Variants in TNFAIP8 observed in about 807,000 individuals in gnomAD.
TNFAIP8 encodes the protein TNF alpha induced protein 8, also known as tumor necrosis factor alpha-induced protein 8.
TNFAIP8 carries 7 observed loss-of-function variants against 13.3 expected under a neutral mutation model. The observed-to-expected ratio is 0.52, with a 90% confidence interval of 0.30 to 0.99. TNFAIP8 has a LOEUF of 0.99. TNFAIP8 is among the 50% of genes least tolerant of loss of function. The pLI, the probability that TNFAIP8 is intolerant of heterozygous loss-of-function variation, is 0.07. For missense variants in TNFAIP8, 258 were observed against 236.9 expected, an observed-to-expected ratio of 1.09 and a Z score of -0.58; for synonymous variants, 94 against 87.6, an observed-to-expected ratio of 1.07 and a Z score of -0.41.
intron 1 of TNFAIP8, 46 bp downstream of exon 1, chr5:119,356,167 A>C (rs1581638398): frequency 6.6e-7 from 1 of 1,512,840 alleles, no homozygotes; most frequent in Admixed American, 1.9e-5. Context: ...TCTGCGGAGG[A>C]ATTTGGAGGA....
At chr5:119,348,264 C>T (rs923993572) in intron 1 of TNFAIP8, among the ~76,000 whole-genome samples, 1 of 152,162 alleles carries the variant, frequency 6.6e-6, no homozygotes, top group Non-Finnish European at 1.5e-5. Context: ...AATTCAGCTA[C>T]ATCAGCCAGG....
In TNFAIP8 at chr5:119,310,023, T is replaced by C. The variant is rs184716504; in HGVS notation, c.1+41116T>C. On this transcript the variant is annotated intron_variant, in intron 1 of 1. Coordinates refer to the TNFAIP8 transcript ENST00000274456. ...ATAAAACATCTGGCACATTGTCACT[T>C]AGTAGGATCTCAAAAAGTGGCTGTT... Among the ~76,000 whole-genome samples, 3 of 152,314 alleles carry C rather than the reference T, an allele frequency of 2.0e-5. No individual in the cohort carries two copies. The East Asian group carries it at 5.8e-4, about 29-fold the overall frequency.
chr5:119,372,448 C>G (rs529141763), intron 1 of TNFAIP8, among the ~76,000 whole-genome samples: 41 of 151,982 alleles, frequency 2.7e-4, no homozygotes, highest in African/African-American at 9.9e-4. Context: ...AAAATAACAG[C>G]TAGATATGAT....
intron 1 of TNFAIP8, among the ~76,000 whole-genome samples, chr5:119,292,906 T>C (rs1163118132): frequency 6.6e-6 from 1 of 151,658 alleles, no homozygotes; most frequent in African/African-American, 2.4e-5. Context: ...GAATGGGAAT[T>C]AACTAAAAAT....
intron 1 of TNFAIP8, among the ~76,000 whole-genome samples, chr5:119,370,136 A>T (rs1752017880): frequency 6.6e-6 from 1 of 152,058 alleles, no homozygotes; most frequent in Non-Finnish European, 1.5e-5. Flanking sequence ...TTATTTTGCC[A>T]CAGAAGCAGC....
At chr5:119,359,495 G>A (rs1387179108) in intron 1 of TNFAIP8, among the ~76,000 whole-genome samples, 1 of 152,042 alleles carries the variant, frequency 6.6e-6, no homozygotes, top group East Asian at 1.9e-4. Flanking sequence ...CAGAGTAAAA[G>A]GTGCTCATTA....
rs1487863204 is a variant in TNFAIP8 at position 119,297,254 on chromosome 5, T to C, written c.1+28347T>C. Among the ~76,000 whole-genome samples, 5 of 152,314 alleles carry C rather than the reference T, an allele frequency of 3.3e-5. No individual in the cohort carries two copies. In the East Asian group the frequency reaches 9.6e-4, roughly 29 times the overall value. On this transcript the variant is annotated intron_variant, in intron 1 of 1. Transcript: ENST00000274456. ...TCTTGTGGGCATTTAGTGCTATAAA[T>C]TTCCCTCTACACACTGCTTTGAAAG...
chr5:119,304,990 C>T (rs1160397231), intron 1 of TNFAIP8, among the ~76,000 whole-genome samples: 1 of 152,046 alleles, frequency 6.6e-6, no homozygotes, highest in East Asian at 1.9e-4. Context: ...TTCTGCTTGA[C>T]ATAAAGAGAA....
intron 1 of TNFAIP8, among the ~76,000 whole-genome samples, chr5:119,367,451 T>G (rs893154005): frequency 6.6e-6 from 1 of 152,236 alleles, no homozygotes; most frequent in Non-Finnish European, 1.5e-5. Flanking sequence ...GTATAGAACC[T>G]ACCAGCAAAA....
At chr5:119,367,582 C>A (rs1490318289) in intron 1 of TNFAIP8, among the ~76,000 whole-genome samples, 1 of 152,068 alleles carries the variant, frequency 6.6e-6, no homozygotes, top group East Asian at 1.9e-4. Flanking sequence ...CTTCAGTTAG[C>A]CAGATTTTTA....
At chr5:119,269,170 C>G (rs1748186066) in intron 1 of TNFAIP8, among the ~76,000 whole-genome samples, 1 of 152,186 alleles carries the variant, frequency 6.6e-6, no homozygotes, top group South Asian at 2.1e-4. Flanking sequence ...TTTTAGGAAC[C>G]CTTACCTATT....
At chr5:119,296,606 G>A (rs1040699673) in intron 1 of TNFAIP8, among the ~76,000 whole-genome samples, 15 of 152,126 alleles carry the variant, frequency 9.9e-5, no homozygotes, top group Admixed American at 2.0e-4. Context: ...TTGTGCCTGT[G>A]CCCGGCTTTG....
intron 1 of TNFAIP8, among the ~76,000 whole-genome samples, chr5:119,296,734 C>T (rs1332062007): frequency 3.3e-5 from 5 of 150,708 alleles, no homozygotes; most frequent in East Asian, 1.9e-4. Context: ...TGGTAGAATT[C>T]GGCTGTGAAT....
intron 1 of TNFAIP8, among the ~76,000 whole-genome samples, chr5:119,288,877 A>T (rs1254284235): frequency 6.6e-6 from 1 of 152,208 alleles, no homozygotes; most frequent in Admixed American, 6.5e-5. Flanking sequence ...ACAGAATTAT[A>T]ACAAGCACTT....
At chr5:119,364,841 GTTTT>G (rs10714712) in intron 1 of TNFAIP8, among the ~76,000 whole-genome samples, 6 of 88,696 alleles carry the variant, frequency 6.8e-5, no homozygotes, top group Non-Finnish European at 1.1e-4. Context: ...TTTCTTTTCA[GTTTT>G]TTTTTTTTTT....
At chr5:119,349,624 A>G (rs910969191) in intron 1 of TNFAIP8, among the ~76,000 whole-genome samples, 1 of 152,350 alleles carries the variant, frequency 6.6e-6, no homozygotes, top group Middle Eastern at 3.4e-3. Context: ...AGGCTTACTG[A>G]ACTTTTAATT....
chr5:119,306,023 G>A (rs1749542560), intron 1 of TNFAIP8, among the ~76,000 whole-genome samples: 1 of 152,074 alleles, frequency 6.6e-6, no homozygotes, highest in South Asian at 2.1e-4. Context: ...CCTCAACCCC[G>A]CTGCCCACCA....
chr5:119,296,242 A>AG (rs1282252836), intron 1 of TNFAIP8, among the ~76,000 whole-genome samples: 2 of 152,010 alleles, frequency 1.3e-5, no homozygotes, highest in Non-Finnish European at 2.9e-5. Flanking sequence ...TTGCCCATTC[A>AG]GTATGATATT....
intron 1 of TNFAIP8, among the ~76,000 whole-genome samples, chr5:119,361,349 G>A (rs902039305): frequency 2.0e-5 from 3 of 152,194 alleles, no homozygotes; most frequent in African/African-American, 7.2e-5. Flanking sequence ...GTGACTAACT[G>A]CTGAGTTGGG....
Sources: allele counts gnomAD v4.1 joint callset (sites outside exome capture counted in the v4.1 genomes callset), GRCh38; gene constraint gnomAD v4.1.1; transcripts MANE v1.5; gene names NCBI Gene and HGNC (gene_info 2026-07-23, HGNC 2026-07-21).